PRKG1: variants seen among roughly 807,000 people sequenced by gnomAD.
The protein encoded by PRKG1 is cGMP-dependent protein kinase 1.
In PRKG1, 35 loss-of-function variants were observed where a neutral mutation model predicts 88.1. The ratio of observed to expected loss-of-function variants is 0.40; its 90% confidence interval spans 0.30 to 0.53. PRKG1 has a LOEUF of 0.53. Among genes scored for constraint, PRKG1 ranks in the 20% least tolerant of loss-of-function variants. The probability of loss-of-function intolerance (pLI) is 0.59; values close to 1 mark genes in which losing one functional copy is unlikely to be tolerated. For missense variants in PRKG1, 540 were observed against 839.8 expected (o/e 0.64, Z 4.41); for synonymous variants, 303 against 292.5 (o/e 1.04, Z -0.37).
intron 7 of PRKG1, among the ~76,000 whole-genome samples, chr10:52,072,104 G>A (rs2133287460): frequency 1.4e-5 from 2 of 143,072 alleles, no homozygotes; most frequent in East Asian, 2.2e-4. Flanking sequence ...TGTTTCTCCA[G>A]CCTTGGGACC....
chr10:52,064,327 G>T (rs1444629984), intron 7 of PRKG1, among the ~76,000 whole-genome samples: 2 of 152,224 alleles, frequency 1.3e-5, no homozygotes, highest in East Asian at 3.9e-4. Flanking sequence ...CAGTGCCTGG[G>T]CTCAGTCCCA....
intron 2 of PRKG1, among the ~76,000 whole-genome samples, chr10:51,217,298 A>G (rs950387237): frequency 4.6e-5 from 7 of 152,188 alleles, no homozygotes; most frequent in Non-Finnish European, 1.0e-4. Flanking sequence ...AAAATTATAC[A>G]TATCTTCACA....
rs930399735 is a variant in PRKG1 at position 51,404,835 on chromosome 10, C to G, written c.479-62888C>G. On this transcript the variant is annotated intron_variant, in intron 2 of 17. Transcript: ENST00000373980. ...CTCCTGCCCTTTCATTCTCTCACCT[C>G]TACATCTATGCAACTTAAGCAGTGC... Among the ~76,000 whole-genome samples the G allele has an allele frequency of 3.3e-5, 5 of 152,164 alleles. No homozygotes were observed. The East Asian group carries it at 9.6e-4, about 29-fold the overall frequency.
At chr10:52,168,538 T>A (rs1411243287) in intron 9 of PRKG1, among the ~76,000 whole-genome samples, 1 of 151,936 alleles carries the variant, frequency 6.6e-6, no homozygotes, top group Non-Finnish European at 1.5e-5. Flanking sequence ...AATCAGGAAA[T>A]CACATCAGAC....
chr10:51,726,867 C>G (rs1439914209), intron 3 of PRKG1, among the ~76,000 whole-genome samples: 2 of 152,136 alleles, frequency 1.3e-5, no homozygotes, highest in Non-Finnish European at 2.9e-5. Flanking sequence ...AGCTCCGCCT[C>G]CCAGGTTCAC....
intron 4 of PRKG1, among the ~76,000 whole-genome samples, chr10:51,824,357 G>A (rs1242899370): frequency 6.6e-6 from 1 of 151,996 alleles, no homozygotes; most frequent in African/African-American, 2.4e-5. Context: ...GTAACTTAGT[G>A]TTGGAAATAC....
At chr10:51,412,671 T>C (rs1034220981) in intron 2 of PRKG1, among the ~76,000 whole-genome samples, 2 of 151,756 alleles carry the variant, frequency 1.3e-5, no homozygotes, top group Non-Finnish European at 2.9e-5. Context: ...ACAAATAAAA[T>C]GAAACCATCC....
At chr10:51,765,087 C>T (rs1253239110) in intron 3 of PRKG1, among the ~76,000 whole-genome samples, 4 of 152,156 alleles carry the variant, frequency 2.6e-5, no homozygotes, top group East Asian at 3.8e-4. Context: ...TAAGACAGTG[C>T]TAGTGTGTAT....
intron 2 of PRKG1, among the ~76,000 whole-genome samples, chr10:51,214,283 A>G (rs996765446): frequency 6.6e-6 from 1 of 152,212 alleles, no homozygotes; most frequent in Admixed American, 6.5e-5. Flanking sequence ...AAGGTGTTAC[A>G]CTATGGTTTC....
chr10:51,363,999 A>C (rs1477103934), intron 2 of PRKG1, among the ~76,000 whole-genome samples: 1 of 152,008 alleles, frequency 6.6e-6, no homozygotes, highest in Non-Finnish European at 1.5e-5. Context: ...AAAAAGGTGC[A>C]TTTGATTTGA....
At chr10:52,262,962 G>A (rs1204340360) in intron 10 of PRKG1, among the ~76,000 whole-genome samples, 2 of 152,014 alleles carry the variant, frequency 1.3e-5, no homozygotes, top group African/African-American at 2.4e-5. Context: ...TGTTTTCCGA[G>A]TATTTTCAAT....
rs571930498 is a variant in PRKG1, at chr10:52,234,405, T to C, written c.1077-17165T>C. On this transcript the variant is annotated intron_variant, in intron 9 of 17. Transcript: ENST00000373980. Reference sequence around the variant, plus strand: ...ACATTCAAACCAAAGGCAAAGCAGTTGAAAACTTTGAAAAAAATTTAGAAG... The same window carrying C: ...ACATTCAAACCAAAGGCAAAGCAGTCGAAAACTTTGAAAAAAATTTAGAAG... Among the ~76,000 whole-genome samples the C allele has an allele frequency of 5.3e-5, 8 of 152,154 alleles. No individual in the cohort carries two copies. In the South Asian group the frequency reaches 1.7e-3, roughly 32 times the overall value.
At chr10:51,631,537 G>A (rs1237913049) in intron 3 of PRKG1, among the ~76,000 whole-genome samples, 3 of 152,196 alleles carry the variant, frequency 2.0e-5, no homozygotes, top group Non-Finnish European at 4.4e-5. Context: ...TTTGATATGA[G>A]TCTACAAGCA....
intron 10 of PRKG1, among the ~76,000 whole-genome samples, chr10:52,260,956 T>A: frequency 6.6e-6 from 1 of 151,760 alleles, no homozygotes; most frequent in South Asian, 2.1e-4. Context: ...TCTAGAAAAT[T>A]GTCCAACCCT....
intron 1 of PRKG1, among the ~76,000 whole-genome samples, chr10:51,015,887 C>T (rs779608931): frequency 6.6e-5 from 10 of 150,838 alleles, no homozygotes; most frequent in Non-Finnish European, 1.3e-4. Flanking sequence ...GACTCTGTCT[C>T]GAAAAAAAGA....
chr10:51,798,021 C>T (rs1382333388), intron 3 of PRKG1, among the ~76,000 whole-genome samples: 2 of 151,998 alleles, frequency 1.3e-5, no homozygotes, highest in Non-Finnish European at 2.9e-5. Context: ...TGTATGTATA[C>T]ACCACATTTT....
Position 50,991,010 on chromosome 10 carries a change from C to T in PRKG1, c.-369C>T. ...GTGGGGTGGCGCGCGCGTATTCTCA[C>T]GGAGTGACTAGGAGAGGGGGACGAG... On this transcript the variant is annotated 5_prime_UTR_variant, in exon 1 of 18. Transcript: ENST00000401604. The surrounding 1 kb of genome is among the most constrained non-coding windows in gnomAD (Gnocchi z 4.5). 1 of 191,220 alleles carries T rather than the reference C, an allele frequency of 5.2e-6. No homozygotes were observed. The highest frequency in any genetic ancestry group is 1.0e-5 in the Non-Finnish European group (1 of 95,328). The allele number at this position is 191,220 out of a possible 1,614,324, so 11.8% of individuals were successfully genotyped here.
chr10:51,539,788 C>T (rs1842255150), intron 3 of PRKG1, among the ~76,000 whole-genome samples: 1 of 152,096 alleles, frequency 6.6e-6, no homozygotes. Context: ...TCAAATGTAT[C>T]CAACCAAGTA....
chr10:51,152,548 C>T (rs1315636807), intron 1 of PRKG1, among the ~76,000 whole-genome samples: 3 of 151,926 alleles, frequency 2.0e-5, no homozygotes, highest in African/African-American at 7.3e-5. Flanking sequence ...ACACATAAAG[C>T]TGTTAGGTTG....
Sources: gnomAD v4.1 joint callset for allele counts (sites outside exome capture counted in the v4.1 genomes callset) on GRCh38, gnomAD v4.1.1 for gene constraint, Gnocchi (gnomAD v3.1) non-coding constraint, MANE v1.5 for transcripts, NCBI Gene and HGNC (gene_info 2026-07-23, HGNC 2026-07-21) for gene names.